FGF12: variants seen among roughly 807,000 people sequenced by gnomAD.
FGF12 encodes fibroblast growth factor 12.
In FGF12, 14 loss-of-function variants were observed where a neutral mutation model predicts 23.6. That is an observed-to-expected ratio of 0.59 (90% CI 0.39 to 0.93). FGF12 has a LOEUF of 0.93. Among genes scored for constraint, FGF12 ranks in the 40% least tolerant of loss-of-function variants. The pLI is 0.00. For synonymous variants in FGF12, 62 were observed against 77.3 expected, an observed-to-expected ratio of 0.80 and a Z score of 1.04; for missense variants, 175 against 217.8, an observed-to-expected ratio of 0.80 and a Z score of 1.24.
chr3:192,266,273 A>C (rs756950978), intron 4 of FGF12, among the ~76,000 whole-genome samples: 3 of 152,164 alleles, frequency 2.0e-5, no homozygotes, highest in Non-Finnish European at 4.4e-5. Flanking sequence ...TTAAATGCAG[A>C]TATTATTTCT....
chr3:192,480,175 A>C (rs1026538464), intron 2 of FGF12, among the ~76,000 whole-genome samples: 3 of 152,232 alleles, frequency 2.0e-5, no homozygotes, highest in African/African-American at 4.8e-5. Flanking sequence ...AAACAATTTC[A>C]GTGCTAAGCA....
chr3:192,453,600 T>C (rs2108802900), intron 2 of FGF12, among the ~76,000 whole-genome samples: 1 of 152,330 alleles, frequency 6.6e-6, no homozygotes, highest in East Asian at 1.9e-4. Flanking sequence ...TAAGGTATTA[T>C]TAGAAAATGA....
intron 4 of FGF12, among the ~76,000 whole-genome samples, chr3:192,322,586 A>C (rs573451012): frequency 1.4e-3 from 212 of 152,164 alleles, no homozygotes; most frequent in Middle Eastern, 6.8e-3. Flanking sequence ...GCATTACCTG[A>C]CTTCAAATTA....
Position 192,247,046 on chromosome 3 carries a change from AAGGAAGGAAGGAAG to A in FGF12, c.229-76404_229-76391del, listed in dbSNP as rs1560032995. Among the ~76,000 whole-genome samples, 862 of 60,970 alleles carry A rather than the reference AAGGAAGGAAGGAAG, an allele frequency of 0.014. 51 individuals are homozygous for A. The East Asian group carries it at 0.17, about 12-fold the overall frequency. 40.0% of individuals were successfully genotyped at this position (60,970 alleles called of 152,430 possible). On this transcript the variant is annotated intron_variant, in intron 4 of 5. Transcript: ENST00000445105. ...GAGGGAAGGAAAGAAGGAAGGAAGG[AAGGAAGGAAGGAAG>A]GAAGGAAGGAAGGAAGGAAGGAAGG...
At chr3:192,222,275 A>C (rs1215362933) in intron 4 of FGF12, among the ~76,000 whole-genome samples, 4 of 152,154 alleles carry the variant, frequency 2.6e-5, no homozygotes, top group African/African-American at 9.7e-5. Context: ...AGCATTCTTA[A>C]CAGCCGACTC....
At chr3:192,144,166 A>T in intron 5 of FGF12, 39 bp from the exon 6 acceptor site, 1 of 1,205,472 alleles carries the variant, frequency 8.3e-7, no homozygotes, top group Non-Finnish European at 1.2e-6. Context: ...ATGACAGTGG[A>T]CATAAATTTC....
At chr3:192,561,519 C>T (rs924896318) in intron 2 of FGF12, among the ~76,000 whole-genome samples, 12 of 152,090 alleles carry the variant, frequency 7.9e-5, no homozygotes, top group Non-Finnish European at 1.3e-4. Flanking sequence ...CCCGCCACCA[C>T]GCCCAGCTAA....
At chr3:192,449,779 G>T (rs901561818) in intron 2 of FGF12, among the ~76,000 whole-genome samples, 1 of 152,162 alleles carries the variant, frequency 6.6e-6, no homozygotes, top group Non-Finnish European at 1.5e-5. Flanking sequence ...GCACTTTGAT[G>T]ACTTTTCAAT....
At chr3:192,427,599 G>C (rs997697288) in intron 2 of FGF12, among the ~76,000 whole-genome samples, 45 of 152,150 alleles carry the variant, frequency 3.0e-4, no homozygotes, top group African/African-American at 1.1e-3. Context: ...ATTTCATTTA[G>C]TAAATAAATA....
At chr3:192,239,094 T>G (rs1719459770) in intron 4 of FGF12, among the ~76,000 whole-genome samples, 1 of 152,138 alleles carries the variant, frequency 6.6e-6, no homozygotes, top group Non-Finnish European at 1.5e-5. Context: ...CGAAAAGACA[T>G]GAGGTCTATG....
rs144443780 is a variant in FGF12, at chr3:192,437,730, AC to A, written c.14-77193del. On this transcript the variant is annotated intron_variant, in intron 2 of 5. Coordinates refer to ENST00000445105, the MANE Select transcript of FGF12 (RefSeq NM_004113.6). ...ACAAAACAAACAAACAAAAAAAAAA[AC>A]AGTGAGCAAATTACTTGCTAGTAAC... is the stretch of plus-strand genomic sequence containing the variant. Among the ~76,000 whole-genome samples the A allele has an allele frequency of 8.8e-3, 1,334 of 152,000 alleles. 19 individuals are homozygous for A. Among genetic ancestry groups the A allele is most frequent in the African/African-American group, 0.031 (1,290 of 41,386 alleles).
chr3:192,170,136 CTTT>C (rs5855410), intron 5 of FGF12, among the ~76,000 whole-genome samples: 2 of 127,598 alleles, frequency 1.6e-5, no homozygotes, highest in African/African-American at 3.0e-5. Context: ...TAGAATTTTC[CTTT>C]TTTTTTTTTT....
intron 2 of FGF12, among the ~76,000 whole-genome samples, chr3:192,675,674 A>G (rs1717304131): frequency 6.6e-6 from 1 of 152,226 alleles, no homozygotes; most frequent in Middle Eastern, 3.2e-3. Flanking sequence ...CAAGATACAC[A>G]AAAGGTCACC....
chr3:192,301,440 C>G (rs1211793334), intron 4 of FGF12, among the ~76,000 whole-genome samples: 1 of 152,118 alleles, frequency 6.6e-6, no homozygotes, highest in East Asian at 1.9e-4. Context: ...TGTCAGGTAC[C>G]ACATGCTAGG....
chr3:192,349,537 G>A lies in FGF12; in HGVS notation c.124+10891C>T, dbSNP rs565421468. On this transcript the variant is annotated intron_variant, in intron 3 of 5. Transcript: ENST00000445105. ...AAAGCAATGACTCTCTCTCTTATGG[G>A]CAAATATACCATTTGCTTATTTTAA... Among the ~76,000 whole-genome samples, 3 of 151,882 alleles carry A rather than the reference G, an allele frequency of 2.0e-5. No individual in the cohort carries two copies. The East Asian group carries it at 5.8e-4, about 29-fold the overall frequency.
intron 4 of FGF12, among the ~76,000 whole-genome samples, chr3:192,267,377 G>A (rs114205300): frequency 0.026 from 3,971 of 152,138 alleles, 130 homozygotes; most frequent in African/African-American, 0.079. Context: ...CATGCATTAC[G>A]CTTTTCAATG....
intron 4 of FGF12, among the ~76,000 whole-genome samples, chr3:192,241,361 A>G (rs1411937563): frequency 6.6e-6 from 1 of 152,140 alleles, no homozygotes; most frequent in Non-Finnish European, 1.5e-5. Flanking sequence ...GTTAAAGGAT[A>G]TTTTCAATAC....
At chr3:192,375,321 T>C (rs1438004530) in intron 2 of FGF12, among the ~76,000 whole-genome samples, 1 of 152,188 alleles carries the variant, frequency 6.6e-6, no homozygotes, top group Non-Finnish European at 1.5e-5. Context: ...TATCCTTATG[T>C]TCCTTCAATT....
At chr3:192,516,260 G>C (rs1051416830) in intron 2 of FGF12, among the ~76,000 whole-genome samples, 1 of 152,176 alleles carries the variant, frequency 6.6e-6, no homozygotes, top group African/African-American at 2.4e-5. Flanking sequence ...GTTCATACCA[G>C]TGAATTTCTG....
Sources: allele counts gnomAD v4.1 joint callset (sites outside exome capture counted in the v4.1 genomes callset), GRCh38; gene constraint gnomAD v4.1.1; transcripts MANE v1.5; gene names NCBI Gene and HGNC (gene_info 2026-07-23, HGNC 2026-07-21).